Variants in TCERG1L observed in about 807,000 individuals in gnomAD.
TCERG1L encodes the protein transcription elongation regulator 1 like.
TCERG1L carries 37 observed loss-of-function variants against 56.3 expected under a neutral mutation model. The ratio of observed to expected loss-of-function variants is 0.66; its 90% CI spans 0.51 to 0.87. TCERG1L has a LOEUF of 0.87. Among genes scored for constraint, TCERG1L ranks in the 40% least tolerant of loss-of-function variants. The probability of loss-of-function intolerance (pLI) is 0.00; values close to 1 mark genes in which losing one functional copy is unlikely to be tolerated. For missense variants in TCERG1L, 799 were observed against 774.2 expected, an observed-to-expected ratio of 1.03 and a Z score of -0.38; for synonymous variants, 324 against 326.3, an observed-to-expected ratio of 0.99 and a Z score of 0.08.
rs747337592 is a variant in TCERG1L at position 131,260,276 on chromosome 10, C to G, written c.839G>C (p.Arg280Pro). 1.6e-5 allele frequency: 22 copies of G among 1,377,418 alleles called. No individual in the cohort carries two copies. Among genetic ancestry groups the G allele is most frequent in the Non-Finnish European group, 2.0e-5 (21 of 1,059,820 alleles). The allele number at this position is 1,377,418 out of a possible 1,614,324, so 85.3% of individuals were successfully genotyped here. The change falls in exon 4 of 12, where the codon CGG becomes CCG. Residue 280 changes from arginine to proline, a missense_variant. Arg to Pro is a moderately radical substitution (Grantham distance 103). Transcript: ENST00000368642. This position sits in a 1 kb window ranked among gnomAD's most constrained non-coding sequence, Gnocchi z 5.8. ...GAGCCTACCTGAGACGGGGGACGTC[C>G]GGAGGGGTATTTTGATGGGTGCCAA... Reference protein sequence around the residue: ...LTLAPIKIPLRTSPVSDTRTE... With the variant: ...LTLAPIKIPLPTSPVSDTRTE...
intron 3 of TCERG1L, among the ~76,000 whole-genome samples, chr10:131,281,796 T>C (rs1225215334): frequency 7.0e-6 from 1 of 142,088 alleles, no homozygotes; most frequent in East Asian, 1.9e-4. Context: ...ATCCGCCCCC[T>C]GCTTACCACC....
In TCERG1L at chr10:131,092,749, C is replaced by T. The variant is rs775505940; in HGVS notation, c.*413G>A. The T allele has an allele frequency of 6.2e-5, 10 of 160,112 alleles. No individual in the cohort carries two copies. The highest frequency in any genetic ancestry group is 3.2e-3 in the Middle Eastern group (1 of 310). The allele number at this position is 160,112 out of a possible 1,614,324, so 9.9% of individuals were successfully genotyped here. On this transcript the variant is annotated 3_prime_UTR_variant, in exon 12 of 12. Transcript: ENST00000368642. ...CAGAGTAAGGAATTCCTCAACACTG[C>T]GGGAATCCTGGAGAAACGAAGTAAT...
chr10:131,164,133 AAAAAAAAAAAAGAAAAAAG>A (rs1391346203), intron 5 of TCERG1L: 1 of 150,862 alleles, frequency 6.6e-6, no homozygotes, highest in African/African-American at 2.4e-5. Context: ...TCTTAAAAAA[AAAAAAAAAAAAGAAAAAAG>A]AAAAAAAAAA....
intron 4 of TCERG1L, among the ~76,000 whole-genome samples, chr10:131,216,731 G>T (rs1171394595): frequency 6.6e-6 from 1 of 152,244 alleles, no homozygotes; most frequent in Non-Finnish European, 1.5e-5. Context: ...TGGGCAAATA[G>T]ATATTGGTGG....
intron 4 of TCERG1L, among the ~76,000 whole-genome samples, chr10:131,228,136 G>A (rs185146988): frequency 1.9e-3 from 286 of 151,716 alleles, no homozygotes; most frequent in African/African-American, 6.7e-3. Flanking sequence ...CTCCAGACAG[G>A]CATTTCCTCA....
At chr10:131,248,955 C>T (rs1846073199) in intron 4 of TCERG1L, among the ~76,000 whole-genome samples, 1 of 152,202 alleles carries the variant, frequency 6.6e-6, no homozygotes, top group Admixed American at 6.5e-5. Flanking sequence ...CTCGGCAGGA[C>T]CAGCCGCCCC....
At chr10:131,302,681 G>C (rs1253922781) in intron 3 of TCERG1L, among the ~76,000 whole-genome samples, 3 of 149,534 alleles carry the variant, frequency 2.0e-5, no homozygotes, top group Non-Finnish European at 4.4e-5. Context: ...AGAACTTGCA[G>C]GTTTGTTATA....
At chr10:131,110,805 AG>A (rs1554885852) in intron 9 of TCERG1L, among the ~76,000 whole-genome samples, 1 of 144,208 alleles carries the variant, frequency 6.9e-6, no homozygotes, top group Non-Finnish European at 1.6e-5. Flanking sequence ...GTTCAATTCA[AG>A]TAAAGTGGCT....
chr10:131,230,068 G>A (rs945906210), intron 4 of TCERG1L, among the ~76,000 whole-genome samples: 2 of 152,156 alleles, frequency 1.3e-5, no homozygotes, highest in Admixed American at 6.5e-5. Flanking sequence ...ACTGCAACCC[G>A]ACTGTCCCAT....
chr10:131,193,785 CT>C (rs1158419498), intron 4 of TCERG1L, among the ~76,000 whole-genome samples: 3 of 152,188 alleles, frequency 2.0e-5, no homozygotes, highest in African/African-American at 7.2e-5. Context: ...ATGCCTCTAG[CT>C]TTTTCCTTTT....
intron 3 of TCERG1L, among the ~76,000 whole-genome samples, chr10:131,262,399 T>G (rs1846244646): frequency 6.6e-6 from 1 of 152,170 alleles, no homozygotes; most frequent in African/African-American, 2.4e-5. Flanking sequence ...TAGAAGAAAG[T>G]CGTGATAATG....
intron 3 of TCERG1L, among the ~76,000 whole-genome samples, chr10:131,274,047 G>T (rs999094705): frequency 6.6e-6 from 1 of 152,094 alleles, no homozygotes. Context: ...GGGCCTGGGC[G>T]TGTGATGGAA....
chr10:131,188,887 G>T (rs995485283), intron 4 of TCERG1L, among the ~76,000 whole-genome samples: 1 of 152,154 alleles, frequency 6.6e-6, no homozygotes, highest in Admixed American at 6.5e-5. Flanking sequence ...AGTTTCCTTA[G>T]TTATTTTACG....
At chr10:131,111,661 G>T (rs1038846863) in intron 9 of TCERG1L, among the ~76,000 whole-genome samples, 1 of 142,656 alleles carries the variant, frequency 7.0e-6, no homozygotes, top group African/African-American at 2.5e-5. Flanking sequence ...CGATTTCCTC[G>T]CACAGCCTGA....
chr10:131,162,988 C>T (rs1264001272), intron 6 of TCERG1L, 134 bp downstream of exon 6: 12 of 636,642 alleles, frequency 1.9e-5, no homozygotes, highest in Admixed American at 3.5e-5. Flanking sequence ...TTACACCTGC[C>T]GGGAGTTGCA....
At chr10:131,138,376 C>T (rs1010086921) in intron 7 of TCERG1L, among the ~76,000 whole-genome samples, 9 of 152,150 alleles carry the variant, frequency 5.9e-5, no homozygotes, top group African/African-American at 1.9e-4. Context: ...TCACCACACA[C>T]GGTGAGGAAT....
At chr10:131,292,856 AT>A (rs34216280) in intron 3 of TCERG1L, among the ~76,000 whole-genome samples, 12,424 of 140,702 alleles carry the variant, frequency 0.088, 544 homozygotes, top group Non-Finnish European at 0.11. Context: ...TATTTCTGGG[AT>A]TTTTTTTTTT....
chr10:131,214,937 C>T (rs1219352578), intron 4 of TCERG1L, among the ~76,000 whole-genome samples: 3 of 152,218 alleles, frequency 2.0e-5, no homozygotes, highest in African/African-American at 7.2e-5. Flanking sequence ...TGAAGCTCAT[C>T]TCATTGAATT....
chr10:131,134,668 C>T lies in TCERG1L; in HGVS notation c.1190-220G>A, dbSNP rs549372693. ...CTGTGCTGTTCTGCAGAGAGGTCCT[C>T]TTTAGAGACTGTCTGTTTAGCAGGT... On this transcript the variant is annotated intron_variant, in intron 7 of 11. Transcript: ENST00000368642. Among the ~76,000 whole-genome samples the T allele has an allele frequency of 5.3e-5, 8 of 152,342 alleles. No individual in the cohort carries two copies. In the East Asian group the frequency reaches 1.5e-3, roughly 29 times the overall value.
Sources: allele counts gnomAD v4.1 joint callset (sites outside exome capture counted in the v4.1 genomes callset), GRCh38; gene constraint gnomAD v4.1.1; non-coding constraint Gnocchi (gnomAD v3.1); transcripts MANE v1.5; gene names NCBI Gene and HGNC (gene_info 2026-07-23, HGNC 2026-07-21).